Variants in IPO9 observed in about 807,000 individuals in gnomAD.
IPO9 encodes importin-9.
Under a neutral mutation model 128.6 loss-of-function variants are expected in IPO9, and 28 were observed. The observed-to-expected ratio is 0.22, with a 90% CI of 0.16 to 0.30. The LOEUF is 0.30. Among genes scored for constraint, IPO9 ranks in the 10% least tolerant of loss-of-function variants. The pLI, the probability that IPO9 is intolerant of heterozygous loss-of-function variation, is 1.00. For missense variants in IPO9, 935 were observed against 1,293.9 expected, an observed-to-expected ratio of 0.72 and a Z score of 4.26; for synonymous variants, 455 against 475.8, an observed-to-expected ratio of 0.96 and a Z score of 0.57.
chr1:201,844,056 A>G (rs1680087456), intron 1 of IPO9, among the ~76,000 whole-genome samples: 2 of 152,184 alleles, frequency 1.3e-5, no homozygotes, highest in African/African-American at 4.8e-5. Context: ...ACACCCACAG[A>G]TGGATGCTAA....
At position 201,851,510 on chromosome 1, in the gene IPO9, G is replaced by A. The variant is rs550218959; in HGVS notation, c.515-594G>A. On this transcript the variant is annotated intron_variant, in intron 4 of 23. Coordinates refer to ENST00000361565, the MANE Select transcript of IPO9 (RefSeq NM_018085.5). ...AGGGAAAGATACGACCCATATTTCC[G>A]TCACCTTCGAGTCTCATTCTGTGTA... Among the ~76,000 whole-genome samples, 156 of 150,418 alleles carry A rather than the reference G, an allele frequency of 1.0e-3. 1 individual carries two copies. Among genetic ancestry groups the A allele is most frequent in the Non-Finnish European group, 1.8e-3 (120 of 67,790 alleles).
Position 201,851,674 on chromosome 1 carries a change from T to C in IPO9, c.515-430T>C, listed in dbSNP as rs527858259. Among the ~76,000 whole-genome samples the C allele has an allele frequency of 7.9e-4, 120 of 152,282 alleles. 3 individuals carry two copies. Among genetic ancestry groups the C allele is most frequent in the Admixed American group, 4.6e-4 (7 of 15,294 alleles). ...TGAGGCCTAGTAAGTCTGTACATAT[T>C]TTATTACATGCATCAAACCAGCTTG... On this transcript the variant is annotated intron_variant, in intron 4 of 23. Transcript: ENST00000361565.
rs114083695 is a variant in IPO9 at position 201,878,776 on chromosome 1, G to A, written c.*2722G>A. The A allele has an allele frequency of 2.6e-5, 4 of 152,314 alleles. No homozygotes were observed. The highest frequency in any genetic ancestry group is 6.5e-5 in the Admixed American group (1 of 15,310). The allele number at this position is 152,314 out of a possible 1,614,324, so 9.4% of individuals were successfully genotyped here. A position where few individuals can be genotyped will look rare whatever the true frequency, so the allele number is the denominator to read the frequency against. Reference sequence around the variant, plus strand: ...TGATGAGAAAAAGAGTGGAGAGACTGTGTCCAGTGTCAGCAGGAAGAAAAA... The same window carrying A: ...TGATGAGAAAAAGAGTGGAGAGACTATGTCCAGTGTCAGCAGGAAGAAAAA... On this transcript the variant is annotated 3_prime_UTR_variant, in exon 24 of 24. Transcript: ENST00000361565.
Position 201,870,485 on chromosome 1 carries a change from A to T in IPO9, c.2134-98A>T. The stretch of plus-strand genomic sequence containing the variant: ...ACATTATAGACTCACCGCTTTTATG[A>T]GGCATAGGCCTCTGGGAACATTTGT... On this transcript the variant is annotated intron_variant, in intron 17 of 23. Coordinates refer to ENST00000361565, the MANE Select transcript of IPO9 (RefSeq NM_018085.5). The surrounding 1 kb of genome is among the most constrained non-coding windows in gnomAD (Gnocchi z 4.9). 1 of 1,346,704 alleles carries T rather than the reference A, an allele frequency of 7.4e-7. No individual in the cohort carries two copies. The highest frequency in any genetic ancestry group is 1.0e-6 in the Non-Finnish European group (1 of 994,690). 83.4% of individuals were successfully genotyped at this position (1,346,704 alleles called of 1,614,324 possible).
intron 1 of IPO9, among the ~76,000 whole-genome samples, chr1:201,846,573 C>T (rs890707867): frequency 6.6e-6 from 1 of 152,078 alleles, no homozygotes; most frequent in Admixed American, 6.6e-5. Flanking sequence ...GGGGTTTTCA[C>T]CATCTTGGCC....
chr1:201,864,692 T>C (rs182199436), intron 14 of IPO9, among the ~76,000 whole-genome samples: 10 of 152,342 alleles, frequency 6.6e-5, no homozygotes, highest in Admixed American at 5.9e-4. Flanking sequence ...TTCCAGAGTG[T>C]TTTAGGTAGA....
chr1:201,842,406 T>C (rs893011278), intron 1 of IPO9, among the ~76,000 whole-genome samples: 1 of 152,062 alleles, frequency 6.6e-6, no homozygotes, highest in African/African-American at 2.4e-5. Context: ...CCATTGATGA[T>C]CAACTTAACC....
intron 1 of IPO9, among the ~76,000 whole-genome samples, chr1:201,840,750 T>A (rs755138927): frequency 6.6e-6 from 1 of 152,078 alleles, no homozygotes; most frequent in Non-Finnish European, 1.5e-5. Context: ...TCCCAAGATA[T>A]AATGTTAGCT....
rs1680930108 is a variant in IPO9 at position 201,883,603 on chromosome 1, C to T, written c.*7549C>T. 6.6e-6 allele frequency: 1 copy of T among 152,240 alleles called. No individual in the cohort carries two copies. The allele number at this position is 152,240 out of a possible 1,614,324, so 9.4% of individuals were successfully genotyped here. The stretch of plus-strand genomic sequence containing the variant: ...GCTTAAGAGCATGTATGAGCAGAAC[C>T]TGTGCAGACCAAGGCTTAGAGGGCT... On this transcript the variant is annotated 3_prime_UTR_variant, in exon 24 of 24. Coordinates refer to ENST00000361565, the MANE Select transcript of IPO9 (RefSeq NM_018085.5).
chr1:201,859,043 T>G, intron 13 of IPO9, 49 bp downstream of exon 13: 1 of 1,574,752 alleles, frequency 6.4e-7, no homozygotes, highest in Non-Finnish European at 8.7e-7. Context: ...AAACCTGTTG[T>G]GGGGTTGGGG....
intron 1 of IPO9, among the ~76,000 whole-genome samples, chr1:201,843,860 T>C (rs1483719532): frequency 6.6e-6 from 1 of 151,236 alleles, no homozygotes; most frequent in Non-Finnish European, 1.5e-5. Flanking sequence ...TTCTTATTAC[T>C]GTAGTCAGTT....
chr1:201,869,485 C>T (rs1463441169), intron 16 of IPO9, 105 bp from the exon 17 acceptor site: 1 of 1,363,226 alleles, frequency 7.3e-7, no homozygotes, highest in Non-Finnish European at 1.0e-6. Context: ...CATTAATAAG[C>T]TTTCTCTGGG....
chr1:201,873,527 C>A (rs1374691323), intron 20 of IPO9, among the ~76,000 whole-genome samples: 2 of 150,364 alleles, frequency 1.3e-5, no homozygotes, highest in Non-Finnish European at 2.9e-5. Context: ...GTGGGTGGAT[C>A]GCCTGAGGCC....
intron 3 of IPO9, among the ~76,000 whole-genome samples, 160 bp downstream of exon 3, chr1:201,847,798 TCAAG>T (rs1680148030): frequency 6.6e-6 from 1 of 152,188 alleles, no homozygotes; most frequent in East Asian, 1.9e-4. Context: ...ATTAAAGAGC[TCAAG>T]TATCAGGCTG....
At chr1:201,850,338 G>A (rs778558069) in intron 4 of IPO9, 1 of 152,232 alleles carries the variant, frequency 6.6e-6, no homozygotes, top group African/African-American at 2.4e-5. Flanking sequence ...GACATTGGTG[G>A]TTGGACAGAG....
chr1:201,865,199 C>CTTTTTTTTTTTTTTTT (rs201084995), intron 14 of IPO9, among the ~76,000 whole-genome samples: 1 of 132,852 alleles, frequency 7.5e-6, no homozygotes, highest in Non-Finnish European at 1.6e-5. Flanking sequence ...AACTATTTTT[C>CTTTTTTTTTTTTTTTT]TTTTTTTTTT....
At chr1:201,856,396 G>A (rs897414536) in intron 10 of IPO9, among the ~76,000 whole-genome samples, 4 of 152,092 alleles carry the variant, frequency 2.6e-5, no homozygotes, top group Non-Finnish European at 5.9e-5. Context: ...GTCATCAAAA[G>A]CAGCAAAGAA....
At chr1:201,851,179 CTT>C (rs36020873) in intron 4 of IPO9, among the ~76,000 whole-genome samples, 43 of 133,438 alleles carry the variant, frequency 3.2e-4, no homozygotes, top group Non-Finnish European at 3.7e-4. Flanking sequence ...CCACATGCAG[CTT>C]TTTTTTTTTT....
chr1:201,837,911 A>G (rs1340967888), intron 1 of IPO9, among the ~76,000 whole-genome samples: 1 of 152,094 alleles, frequency 6.6e-6, no homozygotes, highest in African/African-American at 2.4e-5. Flanking sequence ...TTTCTACTCA[A>G]ACTACAAAAT....
Sources: allele counts gnomAD v4.1 joint callset (sites outside exome capture counted in the v4.1 genomes callset), GRCh38; gene constraint gnomAD v4.1.1; non-coding constraint Gnocchi (gnomAD v3.1); transcripts MANE v1.5; gene names NCBI Gene and HGNC (gene_info 2026-07-23, HGNC 2026-07-21).